TDRD1: variants seen among roughly 807,000 people sequenced by gnomAD.
TDRD1 encodes tudor domain-containing protein 1.
In TDRD1, 37 loss-of-function variants were observed where a neutral mutation model predicts 140.6. The ratio of observed to expected loss-of-function variants is 0.26; its 90% confidence interval spans 0.20 to 0.35. The LOEUF (loss-of-function observed/expected upper bound fraction) is 0.35. Ranked by LOEUF, TDRD1 falls within the 10% of genes least tolerant of loss-of-function variation. The probability of loss-of-function intolerance (pLI) is 1.00; values close to 1 mark genes in which losing one functional copy is unlikely to be tolerated. For synonymous variants in TDRD1, 506 were observed against 475.7 expected (o/e 1.06, Z -0.83); for missense variants, 1,243 against 1,393.0 (o/e 0.89, Z 1.71).
At chr10:114,175,975 C>G (rs2032686778), upstream of TDRD1, among the ~76,000 whole-genome samples, 2 of 152,106 alleles carry the variant, frequency 1.3e-5, no homozygotes, top group Admixed American at 1.3e-4. Context: ...TGTGGGGAAG[C>G]TCTTCTCTGT....
chr10:114,218,011 A>G (rs1235080008), intron 17 of TDRD1, among the ~76,000 whole-genome samples: 1 of 152,200 alleles, frequency 6.6e-6, no homozygotes. Context: ...TCATTACAAT[A>G]ATTTTTTTAC....
At chr10:114,208,206 G>C (rs1025088497) in intron 11 of TDRD1, among the ~76,000 whole-genome samples, 1 of 152,134 alleles carries the variant, frequency 6.6e-6, no homozygotes, top group Non-Finnish European at 1.5e-5. Flanking sequence ...AAGCTAGAGC[G>C]GATCATTAAA....
chr10:114,213,149 G>A (rs548242560), intron 14 of TDRD1, among the ~76,000 whole-genome samples, 197 bp from the exon 15 acceptor site: 116 of 152,198 alleles, frequency 7.6e-4, no homozygotes, highest in Middle Eastern at 3.4e-3. Flanking sequence ...GCCTCCCGGC[G>A]TGCTGGAATG....
At chr10:114,203,924 G>T (rs1166378471) in intron 8 of TDRD1, 149 bp from the exon 9 acceptor site, 2 of 919,802 alleles carry the variant, frequency 2.2e-6, no homozygotes, top group Non-Finnish European at 1.6e-6. Flanking sequence ...TTCTTAGCAA[G>T]ATTCTTAAAA....
At chr10:114,204,881 C>T (rs2035001749) in exon 10 of TDRD1, 1 of 1,583,810 alleles carries the variant, frequency 6.3e-7, no homozygotes, top group South Asian at 1.2e-5. Context: ...AGAAGTTGAG[C>T]TGCCAAATTC....
intron 16 of TDRD1, among the ~76,000 whole-genome samples, chr10:114,214,315 C>T (rs1372692033): frequency 6.6e-6 from 1 of 152,142 alleles, no homozygotes; most frequent in Admixed American, 6.5e-5. Flanking sequence ...AACAATACCT[C>T]TTTATATTTA....
At chr10:114,218,340 T>C in intron 17 of TDRD1, 74 bp from the exon 18 acceptor site, 1 of 1,160,306 alleles carries the variant, frequency 8.6e-7, no homozygotes, top group Non-Finnish European at 1.2e-6. Context: ...AAAGGGTGGC[T>C]TTTTTCAAGA....
At chr10:114,200,847 CTTTTTTTTTTT>C (rs33964094) in intron 4 of TDRD1, among the ~76,000 whole-genome samples, 1 of 80,406 alleles carries the variant, frequency 1.2e-5, no homozygotes, top group African/African-American at 5.5e-5. Flanking sequence ...TTGCTGCTGC[CTTTTTTTTTTT>C]TTTTTTTTTT....
At chr10:114,226,254 G>A (rs774106381) in intron 22 of TDRD1, 38 bp downstream of exon 22, 4 of 1,502,108 alleles carry the variant, frequency 2.7e-6, no homozygotes, top group Non-Finnish European at 3.6e-6. Context: ...AGGTTTCTGG[G>A]TATTTTTTTT....
intron 3 of TDRD1, among the ~76,000 whole-genome samples, chr10:114,192,677 A>G (rs1333710933): frequency 1.3e-5 from 2 of 152,124 alleles, no homozygotes; most frequent in African/African-American, 2.4e-5. Context: ...TTGCCTATGT[A>G]TATTCAATTG....
chr10:114,212,950 C>T (rs1411104775), intron 14 of TDRD1, among the ~76,000 whole-genome samples: 1 of 152,184 alleles, frequency 6.6e-6, no homozygotes, highest in East Asian at 1.9e-4. Context: ...GTCCTTGCTC[C>T]CCAGGTAATA....
At chr10:114,189,344 T>C (rs2033790371) in intron 2 of TDRD1, among the ~76,000 whole-genome samples, 1 of 152,228 alleles carries the variant, frequency 6.6e-6, no homozygotes, top group Non-Finnish European at 1.5e-5. Context: ...AGAAACTCTC[T>C]TCTTGGAACA....
At chr10:114,230,019 G>A (rs2036668542) in intron 25 of TDRD1, among the ~76,000 whole-genome samples, 1 of 151,952 alleles carries the variant, frequency 6.6e-6, no homozygotes, top group African/African-American at 2.4e-5. Flanking sequence ...TTTTAGTAGA[G>A]ACAGGGTTTC....
At chr10:114,207,756 A>C (rs759558627) in intron 11 of TDRD1, among the ~76,000 whole-genome samples, 3 of 152,196 alleles carry the variant, frequency 2.0e-5, no homozygotes, top group Admixed American at 1.3e-4. Context: ...AACAGAGGGT[A>C]CATGCTTCCA....
exon 2 of TDRD1, chr10:114,187,901 G>A: frequency 6.2e-7 from 1 of 1,612,632 alleles, no homozygotes; most frequent in Non-Finnish European, 8.5e-7. Flanking sequence ...TAAGATGACA[G>A]AGCCATTTAA....
intron 25 of TDRD1, chr10:114,228,146 T>C: frequency 6.4e-7 from 1 of 1,554,686 alleles, no homozygotes; most frequent in Non-Finnish European, 8.7e-7. Flanking sequence ...TTAAATCGTA[T>C]GTTTTCGCCT....
chr10:114,211,254 A>G (rs188160205), intron 13 of TDRD1, among the ~76,000 whole-genome samples: 2 of 152,268 alleles, frequency 1.3e-5, no homozygotes, highest in East Asian at 3.9e-4. Context: ...GGACTGGTAA[A>G]GATAATTTGG....
chr10:114,220,656 G>T, exon 19 of TDRD1: 15 of 1,613,516 alleles, frequency 9.3e-6, no homozygotes, highest in Non-Finnish European at 1.2e-5. Flanking sequence ...AAGCCAGAGT[G>T]GTTGAAGTCA....
chr10:114,189,136 C>A (rs578203748), intron 2 of TDRD1, among the ~76,000 whole-genome samples: 8 of 152,276 alleles, frequency 5.3e-5, no homozygotes, highest in African/African-American at 1.9e-4. Flanking sequence ...AGTTTTTCAT[C>A]GTCATGCACT....
Sources: gnomAD v4.1 joint callset for allele counts (sites outside exome capture counted in the v4.1 genomes callset) on GRCh38, gnomAD v4.1.1 for gene constraint, MANE v1.5 for transcripts, NCBI Gene and HGNC (gene_info 2026-07-23, HGNC 2026-07-21) for gene names.